Variants in PPT1 observed in about 807,000 individuals in gnomAD.
PPT1 encodes palmitoyl-protein thioesterase 1, also known as ceroid-palmitoyl-palmitoyl-protein thioesterase 1.
A neutral mutation model predicts 44.0 loss-of-function variants in PPT1; 24 were observed. That is an observed-to-expected ratio of 0.54 (90% CI 0.39 to 0.77). The LOEUF (loss-of-function observed/expected upper bound fraction) is 0.77. Ranked by LOEUF, PPT1 falls within the 30% of genes least tolerant of loss-of-function variation. PPT1 has a pLI of 0.00. For synonymous variants in PPT1, 148 were observed against 140.2 expected, an observed-to-expected ratio of 1.06 and a Z score of -0.39; for missense variants, 341 against 378.8, an observed-to-expected ratio of 0.90 and a Z score of 0.83.
chr1:40,087,532 T>C (rs1570464919), intron 5 of PPT1, among the ~76,000 whole-genome samples: 1 of 151,966 alleles, frequency 6.6e-6, no homozygotes, highest in Non-Finnish European at 1.5e-5. Flanking sequence ...CATGAGCCAC[T>C]GCGCCCCGCC....
chr1:40,088,213 G>A (rs533297627), intron 5 of PPT1, among the ~76,000 whole-genome samples: 1 of 150,282 alleles, frequency 6.7e-6, no homozygotes, highest in East Asian at 2.0e-4. Flanking sequence ...GCGCAATCTC[G>A]GCTCACTGCA....
intron 5 of PPT1, among the ~76,000 whole-genome samples, chr1:40,083,462 A>G (rs1475198566): frequency 6.6e-6 from 1 of 151,854 alleles, no homozygotes; most frequent in Non-Finnish European, 1.5e-5. Flanking sequence ...CTCAAAAACT[A>G]TTTTTTTTAA....
At chr1:40,096,900 G>C in intron 1 of PPT1, 1 of 796,778 alleles carries the variant, frequency 1.3e-6, no homozygotes, top group South Asian at 1.8e-5. Flanking sequence ...GCCGTGCGCG[G>C]CTCTCTCTTT....
rs1199954034 is a variant in PPT1, at chr1:40,085,514, T to TC, written c.536+3895dup. 4.6e-5 allele frequency among the ~76,000 whole-genome samples: 7 copies of TC among 152,084 alleles called. No individual in the cohort carries two copies. In the East Asian group the frequency reaches 1.2e-3, roughly 25 times the overall value. ...GTCTTGTGTCTTTATTTCTACAATC[T>TC]CTCATCTCCGCACACAGGGAGAAAA... On this transcript the variant is annotated intron_variant, in intron 5 of 8. Coordinates refer to ENST00000642050, the MANE Select transcript of PPT1 (RefSeq NM_000310.4).
intron 1 of PPT1, 41 bp from the exon 2 acceptor site, chr1:40,092,548 ATATTGTT>A (rs1649629828): frequency 6.9e-7 from 1 of 1,457,184 alleles, no homozygotes; most frequent in Non-Finnish European, 9.6e-7. Flanking sequence ...ATGAGTCCAA[ATATTGTT>A]TATTGTTTAA....
Position 40,080,332 on chromosome 1 carries a change from T to C in PPT1, c.627+65A>G, listed in dbSNP as rs1648856140. 6 of 1,481,952 alleles carry C rather than the reference T, an allele frequency of 4.0e-6. No homozygotes were observed. The East Asian group carries it at 1.4e-4, about 34-fold the overall frequency. The allele number at this position is 1,481,952 out of a possible 1,614,324, so 91.8% of individuals were successfully genotyped here. ...GTTTGGGTAAACAGTCACTGCTGAT[T>C]TGTTTATGAAGACCTAAACAGGAAA... On this transcript the variant is annotated intron_variant, in intron 6 of 8. Transcript: ENST00000642050.
chr1:40,072,429 G>A (rs7300), downstream of PPT1: 23,804 of 210,468 alleles, frequency 0.11, 1,511 homozygotes, highest in East Asian at 0.24. Context: ...CTGCAGGCTG[G>A]TTTTAGGTCT....
intron 6 of PPT1, 171 bp from the exon 7 acceptor site, chr1:40,078,829 TTC>T (rs1383964468): frequency 1.5e-6 from 1 of 650,592 alleles, no homozygotes; most frequent in Non-Finnish European, 2.9e-6. Flanking sequence ...GCTTTTTTTT[TTC>T]TTTTTTTCTA....
chr1:40,089,608 C>A (rs776864536), intron 4 of PPT1, 96 bp from the exon 5 acceptor site: 3 of 873,904 alleles, frequency 3.4e-6, no homozygotes, highest in Non-Finnish European at 5.8e-6. Context: ...TGAACAGGAC[C>A]AAACTCTGAT....
chr1:40,083,380 A>C (rs985816180), intron 5 of PPT1, among the ~76,000 whole-genome samples: 43 of 152,276 alleles, frequency 2.8e-4, no homozygotes, highest in African/African-American at 1.0e-3. Flanking sequence ...GCTTGAGTCC[A>C]GGAGGTGAAG....
intron 1 of PPT1, among the ~76,000 whole-genome samples, chr1:40,093,104 C>G (rs1462009962): frequency 6.6e-6 from 1 of 152,006 alleles, no homozygotes; most frequent in African/African-American, 2.4e-5. Flanking sequence ...TTGTAATAGT[C>G]AAAAGGGAGA....
At chr1:40,087,203 G>A (rs1406567912) in intron 5 of PPT1, among the ~76,000 whole-genome samples, 1 of 151,962 alleles carries the variant, frequency 6.6e-6, no homozygotes, top group African/African-American at 2.4e-5. Context: ...TAAGGAGGAA[G>A]TGAAGATAAA....
intron 5 of PPT1, among the ~76,000 whole-genome samples, chr1:40,085,960 A>T (rs554459807): frequency 2.0e-5 from 3 of 152,286 alleles, no homozygotes; most frequent in African/African-American, 7.2e-5. Flanking sequence ...ATGCCTTAAT[A>T]TTTCCAGAAA....
rs890233695 is a variant in PPT1, at chr1:40,076,635, T to C, written c.798+207A>G. On this transcript the variant is annotated intron_variant, in intron 8 of 8. Coordinates refer to ENST00000642050, the MANE Select transcript of PPT1 (RefSeq NM_000310.4). ...CCATAAGGTTTCAGGATGTAGTGGA[T>C]TTTTGTAACCCAGTGCCTAATAAGC... 2.3e-5 allele frequency: 32 copies of C among 1,392,598 alleles called. No homozygotes were observed. In the East Asian group the frequency reaches 5.3e-4, roughly 23 times the overall value. 86.3% of individuals were successfully genotyped at this position (1,392,598 alleles called of 1,614,324 possible).
At chr1:40,090,426 A>G (rs1371525317) in intron 4 of PPT1, among the ~76,000 whole-genome samples, 1 of 112,306 alleles carries the variant, frequency 8.9e-6, no homozygotes, top group Admixed American at 9.1e-5. Flanking sequence ...ATGTGTGTAT[A>G]TAGGTGCATA....
intron 5 of PPT1, among the ~76,000 whole-genome samples, chr1:40,086,056 G>A (rs1184717956): frequency 6.6e-6 from 1 of 152,212 alleles, no homozygotes; most frequent in Admixed American, 6.5e-5. Flanking sequence ...CACTGAGGGT[G>A]GGGTGCAAAC....
chr1:40,096,024 G>A (rs1479119635), intron 1 of PPT1, among the ~76,000 whole-genome samples: 5 of 152,136 alleles, frequency 3.3e-5, no homozygotes, highest in Admixed American at 2.6e-4. Context: ...ACGCTGATCT[G>A]AATGCTGTCC....
Position 40,091,270 on chromosome 1 carries a change from A to T in PPT1, c.433+59T>A, listed in dbSNP as rs56654546. ...AAATATAGTTCCTAGATTTTTTTTT[A>T]AATCAGGTGGTCATGTGGGTTAGAA... On this transcript the variant is annotated intron_variant, in intron 4 of 8. Transcript: ENST00000642050. 148,664 of 1,498,234 alleles carry T rather than the reference A, an allele frequency of 0.099. 7,413 individuals are homozygous for T. The highest frequency in any genetic ancestry group is 0.14 in the Admixed American group (8,066 of 58,268). The allele number at this position is 1,498,234 out of a possible 1,614,324, so 92.8% of individuals were successfully genotyped here.
chr1:40,093,919 G>A (rs1557715095), intron 1 of PPT1: 2 of 678,120 alleles, frequency 2.9e-6, no homozygotes, highest in Non-Finnish European at 2.7e-6. Context: ...TATAGGCCAA[G>A]CATGGGCTCA....
Sources: gnomAD v4.1 joint callset for allele counts (sites outside exome capture counted in the v4.1 genomes callset) on GRCh38, gnomAD v4.1.1 for gene constraint, MANE v1.5 for transcripts, NCBI Gene and HGNC (gene_info 2026-07-23, HGNC 2026-07-21) for gene names.